The following ARHGAP22 variants were observed in gnomAD, a reference collection of about 807,000 sequenced individuals.
The protein encoded by ARHGAP22 is rho GTPase-activating protein 22.
In ARHGAP22, 48 loss-of-function variants were observed where a neutral mutation model predicts 59.1. The ratio of observed to expected loss-of-function variants is 0.81; its 90% CI spans 0.64 to 1.03. The LOEUF (loss-of-function observed/expected upper bound fraction) is 1.03. Among genes scored for constraint, ARHGAP22 ranks in the 50% least tolerant of loss-of-function variants. ARHGAP22 has a pLI of 0.00. For synonymous variants in ARHGAP22, 445 were observed against 416.4 expected (o/e 1.07, Z -0.84); for missense variants, 1,015 against 958.7 (o/e 1.06, Z -0.78).
chr10:48,581,127 C>G (rs192920803), intron 2 of ARHGAP22, among the ~76,000 whole-genome samples: 1 of 152,282 alleles, frequency 6.6e-6, no homozygotes, highest in Admixed American at 6.5e-5. Context: ...CTGGAACTTT[C>G]AGATCTCACC....
chr10:48,649,225 C>T (rs1021039849), intron 1 of ARHGAP22, among the ~76,000 whole-genome samples: 6 of 152,198 alleles, frequency 3.9e-5, no homozygotes, highest in Non-Finnish European at 8.8e-5. Flanking sequence ...TCTCTAAGTC[C>T]CCTATTCTCT....
At chr10:48,599,473 C>G (rs1273864742) in intron 1 of ARHGAP22, among the ~76,000 whole-genome samples, 1 of 152,258 alleles carries the variant, frequency 6.6e-6, no homozygotes, top group Admixed American at 6.5e-5. Context: ...GTTCTGACTC[C>G]TCATGTGAGC....
intron 2 of ARHGAP22, among the ~76,000 whole-genome samples, chr10:48,561,444 C>A (rs1253459553): frequency 3.9e-5 from 6 of 152,072 alleles, no homozygotes. Flanking sequence ...ACAAAGAGTT[C>A]TTGGATACAA....
chr10:48,541,365 T>C (rs1165224593), intron 3 of ARHGAP22, among the ~76,000 whole-genome samples: 1 of 152,230 alleles, frequency 6.6e-6, no homozygotes, highest in Non-Finnish European at 1.5e-5. Context: ...GGCACAAGCA[T>C]ACCTCCTCCT....
At chr10:48,616,842 C>A (rs2061099220) in intron 1 of ARHGAP22, among the ~76,000 whole-genome samples, 1 of 152,058 alleles carries the variant, frequency 6.6e-6, no homozygotes, top group Non-Finnish European at 1.5e-5. Flanking sequence ...GTGAGTCCTT[C>A]AGGCTAAATG....
intron 3 of ARHGAP22, among the ~76,000 whole-genome samples, chr10:48,553,951 T>C (rs2057107208): frequency 6.6e-6 from 1 of 152,202 alleles, no homozygotes; most frequent in African/African-American, 2.4e-5. Context: ...CTCGCCTAGA[T>C]GGCAGGGCCC....
intron 3 of ARHGAP22, among the ~76,000 whole-genome samples, chr10:48,529,605 G>A (rs1038663419): frequency 6.6e-6 from 1 of 152,188 alleles, no homozygotes; most frequent in Admixed American, 6.5e-5. Context: ...ACTTCCAGCT[G>A]TGTGAGTGAG....
intron 2 of ARHGAP22, among the ~76,000 whole-genome samples, chr10:48,560,735 C>T (rs76468341): frequency 0.016 from 2,457 of 152,166 alleles, 77 homozygotes; most frequent in African/African-American, 0.056. Flanking sequence ...CTGTCAGATG[C>T]TTTTTCTGAA....
chr10:48,552,513 A>T (rs2056979038), intron 3 of ARHGAP22, among the ~76,000 whole-genome samples: 1 of 152,356 alleles, frequency 6.6e-6, no homozygotes, highest in East Asian at 1.9e-4. Context: ...GTCTTTGCAC[A>T]TTTACCCCGG....
intron 4 of ARHGAP22, among the ~76,000 whole-genome samples, chr10:48,472,184 G>A (rs1047923806): frequency 6.6e-6 from 1 of 151,224 alleles, no homozygotes; most frequent in Admixed American, 6.6e-5. Flanking sequence ...CTCTAGCCTG[G>A]GTGACAGAGC....
rs1339093464 is a variant in ARHGAP22, at chr10:48,575,817, T to A, written c.234+7136A>T. Among the ~76,000 whole-genome samples the A allele has an allele frequency of 1.3e-5, 2 of 152,178 alleles. 1 individual carries two copies. Among genetic ancestry groups the A allele is most frequent in the Non-Finnish European group, 2.9e-5 (2 of 68,022 alleles). On this transcript the variant is annotated intron_variant, in intron 2 of 9. Transcript: ENST00000249601. ...CACCTGCCATGTTCCCTCCCCTGCT[T>A]CTTCCAAGGCCCCCAGCCCTTGTTC...
intron 3 of ARHGAP22, among the ~76,000 whole-genome samples, chr10:48,547,691 C>T (rs974359781): frequency 2.0e-5 from 3 of 152,238 alleles, no homozygotes; most frequent in East Asian, 1.9e-4. Context: ...TGGCCATTCA[C>T]GTCTTCCTCG....
chr10:48,647,696 A>G (rs1047114125), intron 1 of ARHGAP22, among the ~76,000 whole-genome samples: 4 of 152,274 alleles, frequency 2.6e-5, no homozygotes, highest in African/African-American at 9.6e-5. Context: ...CGACCCAGCA[A>G]GAGAAATGAA....
At chr10:48,644,044 G>A (rs761418756) in intron 1 of ARHGAP22, among the ~76,000 whole-genome samples, 10 of 152,180 alleles carry the variant, frequency 6.6e-5, no homozygotes, top group African/African-American at 2.4e-4. Context: ...CTACGTGGGA[G>A]GCTGAGGCAG....
At chr10:48,465,920 TG>T (rs1041704325) in intron 4 of ARHGAP22, among the ~76,000 whole-genome samples, 17 of 152,138 alleles carry the variant, frequency 1.1e-4, no homozygotes, top group African/African-American at 3.9e-4. Context: ...AGGGACTCAC[TG>T]GCCGGCCAAC....
chr10:48,583,458 A>ACCATGCATCCAT (rs1275272233), intron 1 of ARHGAP22, among the ~76,000 whole-genome samples: 1 of 152,140 alleles, frequency 6.6e-6, no homozygotes, highest in East Asian at 1.9e-4. Flanking sequence ...CATGTATCCA[A>ACCATGCATCCAT]CCATGCATCC....
chr10:48,643,116 T>C (rs563384555), intron 1 of ARHGAP22, among the ~76,000 whole-genome samples: 2,284 of 152,222 alleles, frequency 0.015, 64 homozygotes, highest in African/African-American at 0.051. Context: ...TGTGGAGAAA[T>C]AGGAACACTT....
At chr10:48,433,839 T>C in the ARHGAP22 span, among the ~76,000 whole-genome samples, 2 of 152,236 alleles carry the variant, frequency 1.3e-5, no homozygotes, top group Non-Finnish European at 2.9e-5. Context: ...TCAGCATCTT[T>C]GGGTGCCTGA....
intron 1 of ARHGAP22, among the ~76,000 whole-genome samples, chr10:48,623,017 T>C (rs1023617342): frequency 6.6e-6 from 1 of 152,196 alleles, no homozygotes; most frequent in African/African-American, 2.4e-5. Flanking sequence ...TAATACAACC[T>C]AGTTAATTTT....
Sources: allele counts gnomAD v4.1 joint callset (sites outside exome capture counted in the v4.1 genomes callset), GRCh38; gene constraint gnomAD v4.1.1; transcripts MANE v1.5; gene names NCBI Gene and HGNC (gene_info 2026-07-23, HGNC 2026-07-21).